The following UNC79 variants were observed in gnomAD, a reference collection of about 807,000 sequenced individuals.
The protein encoded by UNC79 is unc-79 subunit of NALCN channel complex.
Under a neutral mutation model 283.1 loss-of-function variants are expected in UNC79, and 37 were observed. That is an observed-to-expected ratio of 0.13 (90% CI 0.10 to 0.17). UNC79 has a LOEUF of 0.17. Ranked by LOEUF, UNC79 falls within the 10% of genes least tolerant of loss-of-function variation. UNC79 has a pLI of 1.00. For synonymous variants in UNC79, 1,107 were observed against 1,200.2 expected (o/e 0.92, Z 1.61); for missense variants, 2,272 against 3,211.1 (o/e 0.71, Z 7.07).
intron 42 of UNC79, 117 bp downstream of exon 45, chr14:93,682,811 T>C (rs1041100178): frequency 1.1e-6 from 1 of 886,090 alleles, no homozygotes; most frequent in African/African-American, 1.7e-5. Context: ...GCTATGTGAC[T>C]TTTGGAACGT....
At chr14:93,702,615 A>G (rs1314103218) in intron 47 of UNC79, among the ~76,000 whole-genome samples, 1 of 152,262 alleles carries the variant, frequency 6.6e-6, no homozygotes, top group Non-Finnish European at 1.5e-5. Context: ...GCTTATGGCT[A>G]TGACTAACTT....
chr14:93,476,673 C>T (rs2057817625), intron 3 of UNC79, among the ~76,000 whole-genome samples: 1 of 152,164 alleles, frequency 6.6e-6, no homozygotes, highest in Non-Finnish European at 1.5e-5. Context: ...CAAAAGTGAT[C>T]CAAGTCTTCA....
chr14:93,436,274 A>T (rs950990989), intron 1 of UNC79, among the ~76,000 whole-genome samples: 1 of 152,204 alleles, frequency 6.6e-6, no homozygotes, highest in Non-Finnish European at 1.5e-5. Flanking sequence ...TTTCAAATGG[A>T]TTTACAGGTA....
chr14:93,346,937 AG>A (rs1297419241), intron 1 of UNC79, among the ~76,000 whole-genome samples: 1 of 150,786 alleles, frequency 6.6e-6, no homozygotes, highest in Non-Finnish European at 1.5e-5. Flanking sequence ...GGGGCAGAGC[AG>A]GGGGTACTGA....
At chr14:93,472,743 T>C (rs1165717091) in intron 2 of UNC79, among the ~76,000 whole-genome samples, 5 of 152,080 alleles carry the variant, frequency 3.3e-5, no homozygotes, top group South Asian at 4.1e-4. Context: ...CACTGTAAAA[T>C]TGTAAATGTA....
chr14:93,427,114 T>C (rs1347295482), upstream of UNC79, among the ~76,000 whole-genome samples: 1 of 152,192 alleles, frequency 6.6e-6, no homozygotes, highest in Non-Finnish European at 1.5e-5. Flanking sequence ...ATGCAGGCTT[T>C]CACATGTGTG....
intron 1 of UNC79, among the ~76,000 whole-genome samples, chr14:93,349,158 A>C (rs568402249): frequency 5.3e-5 from 8 of 152,326 alleles, no homozygotes; most frequent in African/African-American, 1.9e-4. Flanking sequence ...ACCATCTTTA[A>C]CAACTGTAAC....
chr14:93,502,429 A>C lies in UNC79; in HGVS notation c.898+5143A>C, dbSNP rs563054102. Among the ~76,000 whole-genome samples the C allele has an allele frequency of 2.0e-5, 3 of 152,184 alleles. No individual in the cohort carries two copies. In the South Asian group the frequency reaches 6.2e-4, roughly 32 times the overall value. On this transcript the variant is annotated intron_variant, in intron 7 of 48. Coordinates refer to ENST00000555664, the Ensembl canonical transcript of UNC79. The stretch of plus-strand genomic sequence containing the variant: ...CAATGTCTCAAAAAAAAATGCAAAA[A>C]ATTGATGTCTCATATTTTTATGGGA...
At chr14:93,415,907 A>C (rs1235722405) in intron 1 of UNC79, among the ~76,000 whole-genome samples, 4 of 150,556 alleles carry the variant, frequency 2.7e-5, no homozygotes, top group Admixed American at 6.7e-5. Flanking sequence ...TGATTCTTCT[A>C]TCTTTTCTTC....
intron 14 of UNC79, among the ~76,000 whole-genome samples, chr14:93,547,941 C>T (rs2061682707): frequency 6.6e-6 from 1 of 152,110 alleles, no homozygotes; most frequent in Admixed American, 6.6e-5. Context: ...GAGCCATGAT[C>T]ACGCACTTGC....
chr14:93,348,011 G>C (rs933101217), intron 1 of UNC79: 17 of 1,535,478 alleles, frequency 1.1e-5, no homozygotes, highest in Non-Finnish European at 1.5e-5. Context: ...AGCAGCGCGT[G>C]TCATCTTCTC....
chr14:93,514,118 A>C (rs909809780), intron 7 of UNC79, among the ~76,000 whole-genome samples: 2 of 152,262 alleles, frequency 1.3e-5, no homozygotes, highest in African/African-American at 4.8e-5. Context: ...TAAGATTTAA[A>C]ACAGGAAAAC....
chr14:93,679,810 G>C (rs1432410344), intron 41 of UNC79, among the ~76,000 whole-genome samples: 1 of 152,142 alleles, frequency 6.6e-6, no homozygotes, highest in East Asian at 1.9e-4. Context: ...ATATTTCAGT[G>C]CCCGATTTCC....
intron 19 of UNC79, 23 bp from the exon 20 acceptor site, chr14:93,582,180 G>T (rs748165566): frequency 6.2e-7 from 1 of 1,613,954 alleles, no homozygotes; most frequent in East Asian, 2.2e-5. Context: ...TGCTTACCTG[G>T]CTGCCTGTCC....
rs2060817579 is a variant in UNC79, at chr14:93,531,405, T to C, written c.1094-1145T>C. Among the ~76,000 whole-genome samples the C allele has an allele frequency of 1.3e-5, 2 of 152,228 alleles. No individual in the cohort carries two copies. Among genetic ancestry groups the C allele is most frequent in the South Asian group, 4.1e-4 (2 of 4,836 alleles). ...ATAAGGTGTTAGTTCATTTTTTGAGTACATACTATTTCAGAGTACATATTA... is the reference window on the plus strand; with the variant it reads ...ATAAGGTGTTAGTTCATTTTTTGAGCACATACTATTTCAGAGTACATATTA... On this transcript the variant is annotated intron_variant, in intron 10 of 48. Transcript: ENST00000555664. The surrounding 1 kb of genome is among the most constrained non-coding windows in gnomAD (Gnocchi z 4.2).
At chr14:93,596,426 G>A (rs1253372730) in intron 23 of UNC79, among the ~76,000 whole-genome samples, 1 of 152,322 alleles carries the variant, frequency 6.6e-6, no homozygotes, top group African/African-American at 2.4e-5. Flanking sequence ...CTTGAGGTCA[G>A]GAGTTCGAGA....
chr14:93,694,252 A>G, intron 46 of UNC79, 83 bp from the exon 50 acceptor site: 4 of 1,283,772 alleles, frequency 3.1e-6, no homozygotes, highest in South Asian at 2.5e-5. Context: ...GGCACAGGAC[A>G]TCGGTCTTCT....
intron 14 of UNC79, among the ~76,000 whole-genome samples, chr14:93,567,875 A>C (rs778210800): frequency 9.2e-5 from 14 of 152,152 alleles, no homozygotes; most frequent in Non-Finnish European, 1.8e-4. Flanking sequence ...GGGAGACATG[A>C]GACATCAATC....
At chr14:93,530,159 G>GT (rs1254270975) in intron 10 of UNC79, among the ~76,000 whole-genome samples, 4 of 152,168 alleles carry the variant, frequency 2.6e-5, no homozygotes, top group Non-Finnish European at 5.9e-5. Context: ...GCCAGGCATG[G>GT]TGGCACCTGC....
Sources: allele counts gnomAD v4.1 joint callset (sites outside exome capture counted in the v4.1 genomes callset), GRCh38; gene constraint gnomAD v4.1.1; non-coding constraint Gnocchi (gnomAD v3.1); transcripts MANE v1.5; gene names NCBI Gene and HGNC (gene_info 2026-07-23, HGNC 2026-07-21).